DRC5: variants seen among roughly 807,000 people sequenced by gnomAD.
DRC5 encodes the protein T-complex-associated testis-expressed protein 1.
At chr6:44,293,356 T>C in the DRC5 span, among the ~76,000 whole-genome samples, 1 of 149,448 alleles carries the variant, frequency 6.7e-6, no homozygotes, top group African/African-American at 2.5e-5. Context: ...CTCACACCTG[T>C]AATCCTAGAA....
chr6:44,280,520 G>A, the DRC5 span: 121,763 of 668,398 alleles, frequency 0.18, 12,484 homozygotes, highest in East Asian at 0.36. Flanking sequence ...TATTTGTGAC[G>A]CATGATGACA....
the DRC5 span, chr6:44,286,536 T>C: frequency 6.2e-7 from 1 of 1,607,182 alleles, no homozygotes; most frequent in African/African-American, 1.3e-5. Flanking sequence ...GGGTTTTCTT[T>C]GGGAACAGAG....
chr6:44,290,623 C>T, the DRC5 span, among the ~76,000 whole-genome samples: 1 of 152,172 alleles, frequency 6.6e-6, no homozygotes, highest in South Asian at 2.1e-4. Flanking sequence ...GGCAACAGGC[C>T]AGCCCAACTC....
At chr6:44,287,590 A>T in the DRC5 span, 1 of 1,613,974 alleles carries the variant, frequency 6.2e-7, no homozygotes, top group Non-Finnish European at 8.5e-7. Context: ...GAGCTCTGTG[A>T]GGAGGGGCAC....
chr6:44,282,381 GC>G, the DRC5 span: 1 of 1,614,214 alleles, frequency 6.2e-7, no homozygotes, highest in South Asian at 1.1e-5. Context: ...CTGGTTGTTA[GC>G]CAGGTTGAGC....
the DRC5 span, chr6:44,287,309 G>A: frequency 1.1e-6 from 1 of 874,110 alleles, no homozygotes; most frequent in Non-Finnish European, 1.4e-6. Flanking sequence ...CAAGGAGAGG[G>A]CAGAGGCATG....
At chr6:44,295,226 C>T in the DRC5 span, among the ~76,000 whole-genome samples, 1 of 152,144 alleles carries the variant, frequency 6.6e-6, no homozygotes, top group South Asian at 2.1e-4. Flanking sequence ...TCAGGGCCAC[C>T]AGGAGTGGGT....
the DRC5 span, chr6:44,297,585 GGCCCA>G: frequency 1.3e-5 from 2 of 152,232 alleles, no homozygotes; most frequent in Non-Finnish European, 2.9e-5. Context: ...GGGGCTCCCG[GGCCCA>G]GCCGGCCAGA....
the DRC5 span, among the ~76,000 whole-genome samples, chr6:44,285,642 T>C: frequency 6.6e-6 from 1 of 152,248 alleles, no homozygotes; most frequent in Non-Finnish European, 1.5e-5. Context: ...GATTGCTGAT[T>C]AGTGCCTTTA....
chr6:44,291,170 C>T, the DRC5 span, among the ~76,000 whole-genome samples: 1 of 152,198 alleles, frequency 6.6e-6, no homozygotes, highest in Non-Finnish European at 1.5e-5. Flanking sequence ...TAGGAACATC[C>T]ATACCATAAG....
At chr6:44,286,264 C>A in the DRC5 span, 1 of 1,612,658 alleles carries the variant, frequency 6.2e-7, no homozygotes, top group South Asian at 1.1e-5. Flanking sequence ...TCCGGCAGAG[C>A]GGCAGCAGGT....
the DRC5 span, among the ~76,000 whole-genome samples, chr6:44,297,261 C>G: frequency 1.3e-5 from 2 of 152,218 alleles, no homozygotes; most frequent in African/African-American, 2.4e-5. Flanking sequence ...TTACAGCCCT[C>G]GGGTGATGGG....
At chr6:44,289,868 T>A in the DRC5 span, among the ~76,000 whole-genome samples, 4 of 152,284 alleles carry the variant, frequency 2.6e-5, no homozygotes, top group African/African-American at 9.6e-5. Context: ...TCCAGGCAGT[T>A]TCCCATCAGA....
At chr6:44,282,163 C>T in the DRC5 span, 10 of 1,614,062 alleles carry the variant, frequency 6.2e-6, no homozygotes, top group African/African-American at 2.7e-5. Context: ...GTGTTGATGG[C>T]GAGCACCTGT....
At chr6:44,288,993 C>CAAAAAAAAAAAAAAAAAAA in the DRC5 span, among the ~76,000 whole-genome samples, 2 of 32,830 alleles carry the variant, frequency 6.1e-5, no homozygotes, top group African/African-American at 1.6e-4. Flanking sequence ...GACTCTGTCT[C>CAAAAAAAAAAAAAAAAAAA]AAAAAAAAAA....
the DRC5 span, chr6:44,281,989 T>C: frequency 2.2e-6 from 2 of 917,308 alleles, no homozygotes; most frequent in African/African-American, 1.7e-5. Context: ...ATACACAGTA[T>C]GTGTGCATAC....
the DRC5 span, chr6:44,287,809 G>A: frequency 2.5e-6 from 4 of 1,613,822 alleles, no homozygotes; most frequent in South Asian, 1.1e-5. Context: ...TGCTGATGTC[G>A]TTACGGTATC....
At chr6:44,287,517 C>G in the DRC5 span, 53 of 1,577,836 alleles carry the variant, frequency 3.4e-5, 1 homozygote, top group Non-Finnish European at 8.6e-7. Flanking sequence ...TCTTGGCCTT[C>G]TCCTGCCCAC....
chr6:44,294,885 A>G, the DRC5 span, among the ~76,000 whole-genome samples: 1 of 151,744 alleles, frequency 6.6e-6, no homozygotes, highest in Non-Finnish European at 1.5e-5. Context: ...AGTCTGAGAG[A>G]GCTCTGCCTG....
Sources: gnomAD v4.1 joint callset for allele counts (sites outside exome capture counted in the v4.1 genomes callset) on GRCh38, gnomAD v4.1.1 for gene constraint, MANE v1.5 for transcripts, NCBI Gene and HGNC (gene_info 2026-07-23, HGNC 2026-07-21) for gene names.